The following WRN variants were observed in gnomAD, a reference collection of about 807,000 sequenced individuals.
WRN encodes bifunctional 3'-5' exonuclease/ATP-dependent helicase WRN.
A neutral mutation model predicts 180.7 loss-of-function variants in WRN; 149 were observed. The ratio of observed to expected loss-of-function variants is 0.82; its 90% CI spans 0.72 to 0.94. WRN has a LOEUF of 0.94. WRN is among the 40% of genes least tolerant of loss of function. The pLI, the probability that WRN is intolerant of heterozygous loss-of-function variation, is 0.00. For synonymous variants in WRN, 548 were observed against 568.9 expected (o/e 0.96, Z 0.52); for missense variants, 1,661 against 1,700.1 (o/e 0.98, Z 0.40).
chr8:31,130,011 A>AAC lies in WRN; in HGVS notation c.2826-2353_2826-2352insCA, dbSNP rs1429272998. Among the ~76,000 whole-genome samples the AAC allele has an allele frequency of 2.0e-4, 23 of 115,280 alleles. 3 individuals carry two copies. In the South Asian group the frequency reaches 5.1e-3, roughly 26 times the overall value. The allele number at this position is 115,280 out of a possible 152,430, so 75.6% of individuals were successfully genotyped here. On this transcript the variant is annotated intron_variant, in intron 23 of 34. Coordinates refer to ENST00000298139, the MANE Select transcript of WRN (RefSeq NM_000553.6). ...AGAGCGACACTCTTGTCTCAAAAAA[A>AAC]AAACAAAACAAAACAAAAAAAAAAA...
intron 1 of WRN, among the ~76,000 whole-genome samples, chr8:31,046,090 A>G (rs138338329): frequency 2.4e-4 from 36 of 152,300 alleles, no homozygotes; most frequent in African/African-American, 7.0e-4. Flanking sequence ...AATTTTGGAT[A>G]TAATTGTATA....
intron 23 of WRN, among the ~76,000 whole-genome samples, 178 bp downstream of exon 23, chr8:31,125,178 C>T (rs931769557): frequency 6.6e-6 from 1 of 151,504 alleles, no homozygotes; most frequent in Non-Finnish European, 1.5e-5. Context: ...ATAGATAAAG[C>T]AATAAAATGG....
chr8:31,047,006 C>A (rs1585389475), intron 1 of WRN, among the ~76,000 whole-genome samples: 1 of 152,162 alleles, frequency 6.6e-6, no homozygotes, highest in Admixed American at 6.5e-5. Context: ...TTTATGGCTG[C>A]TTCCAGAATT....
Position 31,116,380 on chromosome 8 carries a change from C to G in WRN, c.2300C>G (p.Thr767Arg), listed in dbSNP as rs201282577. ...TCCCACTGGGAATTTGAAGGTCCAA[C>G]AATCATCTACTGTCCTTCTAGAAAA... ...TSSHWEFEGPTIIYCPSRKMT... is the reference protein window; with the variant it reads ...TSSHWEFEGPRIIYCPSRKMT... The change falls in exon 20 of 35, where the codon ACA becomes AGA. Residue 767 changes from threonine (T) to arginine (R), a missense_variant. By Grantham distance (71) the Thr-to-Arg change is moderately conservative (BLOSUM62 -1). Coordinates refer to ENST00000298139, the MANE Select transcript of WRN (RefSeq NM_000553.6). 99 of 1,613,804 alleles carry G rather than the reference C, an allele frequency of 6.1e-5. No individual in the cohort carries two copies. Among genetic ancestry groups the G allele is most frequent in the Non-Finnish European group, 5.1e-5 (60 of 1,179,922 alleles).
intron 8 of WRN, among the ~76,000 whole-genome samples, chr8:31,080,253 A>G (rs1813247570): frequency 1.3e-5 from 2 of 152,114 alleles, no homozygotes; most frequent in African/African-American, 2.4e-5. Flanking sequence ...AGGCTTTTTC[A>G]TTATATACAG....
At chr8:31,064,229 A>G in intron 3 of WRN, 60 bp from the exon 4 acceptor site, 5 of 1,592,528 alleles carry the variant, frequency 3.1e-6, no homozygotes, top group Non-Finnish European at 2.6e-6. Context: ...TTATGTCTTT[A>G]GTTATGCAGA....
intron 1 of WRN, among the ~76,000 whole-genome samples, chr8:31,046,949 G>T (rs1292835421): frequency 6.6e-6 from 1 of 152,042 alleles, no homozygotes; most frequent in East Asian, 1.9e-4. Flanking sequence ...TATCCTGTCC[G>T]AAAAGACTGT....
intron 28 of WRN, among the ~76,000 whole-genome samples, chr8:31,145,766 A>G (rs959931394): frequency 1.3e-5 from 2 of 152,166 alleles, no homozygotes; most frequent in Non-Finnish European, 2.9e-5. Context: ...CATGAAGAAT[A>G]TTTGTGATTC....
chr8:31,096,742 C>CT (rs1813999145), intron 16 of WRN, 26 bp from the exon 17 acceptor site: 2 of 1,026,448 alleles, frequency 1.9e-6, no homozygotes, highest in Non-Finnish European at 2.6e-6. Context: ...TTTTTTTTTT[C>CT]TTTTTTCTTT....
rs184084124 is a variant in WRN, at chr8:31,062,626, C to T, written c.210-1663C>T. On this transcript the variant is annotated intron_variant, in intron 3 of 34. Transcript: ENST00000298139. ...TGGGGTTTTTGCCATGTTGCCCAGG[C>T]GGTCTCAAATTCCTGGACTCAAGCA... Among the ~76,000 whole-genome samples, 11 of 151,894 alleles carry T rather than the reference C, an allele frequency of 7.2e-5. No homozygotes were observed. In the East Asian group the frequency reaches 9.7e-4, roughly 13 times the overall value.
intron 9 of WRN, among the ~76,000 whole-genome samples, chr8:31,082,870 T>C (rs1328541666): frequency 6.6e-6 from 1 of 152,144 alleles, no homozygotes; most frequent in African/African-American, 2.4e-5. Flanking sequence ...ATTATTGCCA[T>C]TTTTTTATTG....
At position 31,047,968 on chromosome 8, in the gene WRN, G is replaced by GT. The variant is rs1241078135; in HGVS notation, c.-76-10403dup. Among the ~76,000 whole-genome samples the GT allele has an allele frequency of 6.6e-5, 10 of 152,310 alleles. No individual in the cohort carries two copies. The South Asian group carries it at 1.0e-3, about 16-fold the overall frequency. On this transcript the variant is annotated intron_variant, in intron 1 of 34. Coordinates refer to ENST00000298139, the MANE Select transcript of WRN (RefSeq NM_000553.6). ...TTCTCACTATGACACAGCAAAGAAC[G>GT]TAGCTTTTATCCTTTACCCTTGTTA...
chr8:31,059,534 C>T (rs908092956), intron 3 of WRN, among the ~76,000 whole-genome samples: 9 of 151,874 alleles, frequency 5.9e-5, no homozygotes, highest in South Asian at 2.1e-4. Flanking sequence ...GAAGCGAGCA[C>T]GACAGTTTTT....
At chr8:31,159,458 A>G (rs972815039) in intron 33 of WRN, among the ~76,000 whole-genome samples, 8 of 152,122 alleles carry the variant, frequency 5.3e-5, no homozygotes, top group African/African-American at 1.9e-4. Flanking sequence ...TTGTACCTCA[A>G]ACCTCAGCAT....
At position 31,174,827 on chromosome 8, in the gene WRN, C is replaced by CCTTCCTT. The variant is rs1804222678; in HGVS notation, c.*1726_*1727insTTCCTTC. On this transcript the variant is annotated 3_prime_UTR_variant, in exon 35 of 35. Transcript: ENST00000298139. ...TTCCTTCCTTCCTTCCTTCCTCCCT[C>CCTTCCTT]CCTCCCTCCCTCCCTCCCTCCCTCC... Among the ~76,000 whole-genome samples the CCTTCCTT allele has an allele frequency of 1.3e-5, 1 of 74,436 alleles. No individual in the cohort carries two copies. Among genetic ancestry groups the CCTTCCTT allele is most frequent in the Non-Finnish European group, 2.7e-5 (1 of 37,462 alleles). The allele number at this position is 74,436 out of a possible 152,430, so 48.8% of individuals were successfully genotyped here.
At chr8:31,069,117 T>G (rs1427664229) in intron 7 of WRN, among the ~76,000 whole-genome samples, 1 of 152,258 alleles carries the variant, frequency 6.6e-6, no homozygotes, top group Non-Finnish European at 1.5e-5. Flanking sequence ...GTTATCACTA[T>G]TCTCGTAGCT....
Position 31,042,992 on chromosome 8 carries a change from C to A in WRN, c.-77+9019C>A, listed in dbSNP as rs544093398. Among the ~76,000 whole-genome samples the A allele has an allele frequency of 3.9e-5, 6 of 152,334 alleles. No homozygotes were observed. The South Asian group carries it at 1.2e-3, about 32-fold the overall frequency. ...TATCCCATCCTGTCAACAAGAGTGT[C>A]TTCAGTTGCAAGTAATGGAAAAACC... On this transcript the variant is annotated intron_variant, in intron 1 of 34. Transcript: ENST00000298139.
At chr8:31,069,869 GA>G (rs1812841703) in intron 7 of WRN, among the ~76,000 whole-genome samples, 1 of 152,064 alleles carries the variant, frequency 6.6e-6, no homozygotes, top group Non-Finnish European at 1.5e-5. Flanking sequence ...TATGGTTGTG[GA>G]ATTGCATGTA....
chr8:31,141,173 C>G (rs1445486033), intron 24 of WRN, among the ~76,000 whole-genome samples: 2 of 152,074 alleles, frequency 1.3e-5, no homozygotes, highest in African/African-American at 2.4e-5. Flanking sequence ...ATATCCAAAC[C>G]TATACACTGG....
Sources: allele counts gnomAD v4.1 joint callset (sites outside exome capture counted in the v4.1 genomes callset), GRCh38; gene constraint gnomAD v4.1.1; transcripts MANE v1.5; gene names NCBI Gene and HGNC (gene_info 2026-07-23, HGNC 2026-07-21).